Variants in GIGYF2 observed in about 807,000 individuals in gnomAD.
GIGYF2 encodes GRB10-interacting GYF protein 2.
Under a neutral mutation model 208.1 loss-of-function variants are expected in GIGYF2, and 25 were observed. The ratio of observed to expected loss-of-function variants is 0.12; its 90% CI spans 0.09 to 0.17. GIGYF2 has a LOEUF of 0.17. GIGYF2 is among the 10% of genes least tolerant of loss of function. The pLI, the probability that GIGYF2 is intolerant of heterozygous loss-of-function variation, is 1.00. For synonymous variants in GIGYF2, 534 were observed against 543.8 expected, an observed-to-expected ratio of 0.98 and a Z score of 0.25; for missense variants, 1,302 against 1,579.4, an observed-to-expected ratio of 0.82 and a Z score of 2.98.
At chr2:232,818,779 C>T (rs1211504573) in intron 20 of GIGYF2, among the ~76,000 whole-genome samples, 1 of 152,056 alleles carries the variant, frequency 6.6e-6, no homozygotes, top group African/African-American at 2.4e-5. Flanking sequence ...TCTACATCAT[C>T]ATATTTGCTA....
Position 232,844,174 on chromosome 2 carries a change from G to A in GIGYF2, c.3018G>A (p.Gln1006=). 6.4e-7 allele frequency: 1 copy of A among 1,563,300 alleles called. No individual in the cohort carries two copies. The highest frequency in any genetic ancestry group is 8.7e-7 in the Non-Finnish European group (1 of 1,152,320). ...CCACGAAATCTCTTCTGGAGATCCA[G>A]CAGGAAGAGGCCAGGCAAATGCAAA... ...SGTTKSLLEI[Q]QEEARQMQKQ... The change falls in exon 24 of 29, where the codon CAG becomes CAA. Residue 1006 remains glutamine (Q), a synonymous_variant. Transcript: ENST00000373563.
intron 3 of GIGYF2, among the ~76,000 whole-genome samples, chr2:232,745,240 T>C (rs1349191312): frequency 6.6e-6 from 1 of 152,118 alleles, no homozygotes. Context: ...AGAGTAGCAG[T>C]GAGCAGTCCC....
chr2:232,741,446 T>C (rs996769518), intron 3 of GIGYF2, among the ~76,000 whole-genome samples: 20 of 151,606 alleles, frequency 1.3e-4, no homozygotes, highest in African/African-American at 4.1e-4. Context: ...TTTTTTTTTT[T>C]CTTTTTTTTT....
chr2:232,817,122 G>A (rs1265144322), intron 20 of GIGYF2, 90 bp downstream of exon 20: 14 of 997,504 alleles, frequency 1.4e-5, no homozygotes, highest in Non-Finnish European at 2.1e-5. Context: ...TACTCCTGAA[G>A]TCCACAGGAT....
intron 2 of GIGYF2, among the ~76,000 whole-genome samples, chr2:232,734,766 G>T (rs1697662640): frequency 6.6e-6 from 1 of 152,162 alleles, no homozygotes; most frequent in South Asian, 2.1e-4. Context: ...GGTGATAGGG[G>T]AGTCATTACT....
intron 20 of GIGYF2, among the ~76,000 whole-genome samples, chr2:232,818,778 T>A (rs1299077121): frequency 1.3e-5 from 2 of 152,114 alleles, no homozygotes; most frequent in Admixed American, 1.3e-4. Flanking sequence ...ATCTACATCA[T>A]CATATTTGCT....
At chr2:232,819,747 C>T in intron 20 of GIGYF2, 80 bp from the exon 21 acceptor site, 3 of 827,840 alleles carry the variant, frequency 3.6e-6, no homozygotes, top group East Asian at 2.4e-5. Flanking sequence ...TAGCCTATTA[C>T]TTTCCAAATA....
chr2:232,711,254 CT>C (rs34701447), intron 2 of GIGYF2, among the ~76,000 whole-genome samples: 69,702 of 124,700 alleles, frequency 0.56, 18,445 homozygotes, highest in South Asian at 0.77. Flanking sequence ...CCTGGCTAAT[CT>C]TTTTTTTTTT....
chr2:232,737,886 A>G (rs547984703), intron 3 of GIGYF2, among the ~76,000 whole-genome samples: 2 of 150,812 alleles, frequency 1.3e-5, no homozygotes, highest in East Asian at 3.9e-4. Context: ...GGAACAGACC[A>G]TGAGTGGCTG....
At position 232,791,052 on chromosome 2, in the gene GIGYF2, C is replaced by A. The variant is rs143419997; in HGVS notation, c.975C>A (p.Phe325Leu). 1 of 1,613,918 alleles carries A rather than the reference C, an allele frequency of 6.2e-7. No homozygotes were observed. Among genetic ancestry groups the A allele is most frequent in the African/African-American group, 1.3e-5 (1 of 74,878 alleles). ...TTCCAGAAGAGCAGGAGATGGACTT[C>A]CGGCCTGTGGACGAAGGGGAGGAGT... ...EPIPEEQEMD[F>L]RPVDEGEECS... The change falls in exon 11 of 29, where the codon TTC (phenylalanine) becomes TTA (leucine). Residue 325 changes from phenylalanine to leucine, a missense_variant. Coordinates refer to ENST00000373563, the MANE Select transcript of GIGYF2 (RefSeq NM_001103146.3).
chr2:232,791,088 T>C lies in GIGYF2; in HGVS notation c.1011T>C (p.Ser337=), dbSNP rs752407234. The C allele has an allele frequency of 9.3e-6, 15 of 1,613,860 alleles. No individual in the cohort carries two copies. Among genetic ancestry groups the C allele is most frequent in the African/African-American group, 2.7e-5 (2 of 74,886 alleles). The part of the protein sequence containing the change: ...PVDEGEECSD[S]EGSHNEEAKE... ...ACGAAGGGGAGGAGTGCTCTGACTC[T>C]GAGGGTAGCCATAATGAAGAGGCCA... Residue 337 remains serine (S), a synonymous_variant, in exon 11 of 29, where the codon TCT becomes TCC. Transcript: ENST00000373563.
chr2:232,785,340 T>C (rs1699876567), intron 8 of GIGYF2, among the ~76,000 whole-genome samples: 1 of 152,082 alleles, frequency 6.6e-6, no homozygotes, highest in African/African-American at 2.4e-5. Flanking sequence ...CCAGGGTTCT[T>C]GTAAGGCTGC....
chr2:232,835,635 T>G (rs2106411971), intron 22 of GIGYF2, among the ~76,000 whole-genome samples: 1 of 152,244 alleles, frequency 6.6e-6, no homozygotes, highest in Non-Finnish European at 1.5e-5. Flanking sequence ...TGTTTGTTTA[T>G]TTGTTTTGTG....
At chr2:232,700,050 A>G (rs1695777169) in intron 1 of GIGYF2, among the ~76,000 whole-genome samples, 1 of 152,130 alleles carries the variant, frequency 6.6e-6, no homozygotes, top group South Asian at 2.1e-4. Context: ...ATTTTAGTTC[A>G]GCTGAGGAAT....
At chr2:232,809,996 ATTT>A (rs1379777300) in intron 16 of GIGYF2, among the ~76,000 whole-genome samples, 185 bp downstream of exon 16, 2 of 151,886 alleles carry the variant, frequency 1.3e-5, no homozygotes, top group African/African-American at 4.8e-5. Context: ...TTATTTATTT[ATTT>A]ATTTTTGAGA....
At chr2:232,818,635 T>C (rs1700984477) in intron 20 of GIGYF2, among the ~76,000 whole-genome samples, 1 of 152,142 alleles carries the variant, frequency 6.6e-6, no homozygotes, top group African/African-American at 2.4e-5. Flanking sequence ...TGGTTTCTTT[T>C]TTTTTATTTT....
chr2:232,749,003 T>C lies in GIGYF2; in HGVS notation c.188T>C (p.Leu63Pro). 6.3e-7 allele frequency: 1 copy of C among 1,581,054 alleles called. No homozygotes were observed. Among genetic ancestry groups the C allele is most frequent in the Non-Finnish European group, 8.7e-7 (1 of 1,149,778 alleles). The change falls in exon 5 of 29, where the codon CTG (leucine) becomes CCG (proline). Residue 63 changes from leucine (L) to proline (P), a missense_variant. This residue lies in a region of GIGYF2 where 189 missense variants were observed against 257.7 expected (regional missense o/e 0.73). Transcript: ENST00000373563. The stretch of plus-strand genomic sequence containing the variant: ...GTCCTACAGATACCTTCAGACCTTC[T>C]GGATAAAGAATTTCTGCCTATCCTC... ...LKDNKIPSDL[L>P]DKEFLPILQE...
intron 14 of GIGYF2, among the ~76,000 whole-genome samples, chr2:232,799,243 T>G (rs2106372646): frequency 6.6e-6 from 1 of 152,112 alleles, no homozygotes. Context: ...TTATAGTTAT[T>G]GTGAATAATG....
In GIGYF2 at chr2:232,791,401, C is replaced by G. The variant is rs141380400; in HGVS notation, c.1237C>G (p.Arg413Gly). The change falls in exon 12 of 29, where the codon CGG (arginine) becomes GGG (glycine). Residue 413 changes from arginine (R) to glycine (G), a missense_variant. By Grantham distance (125) the Arg-to-Gly change is moderately radical. This residue lies in a region of GIGYF2 where 235 missense variants were observed against 218.8 expected (regional missense o/e 1.07). Transcript: ENST00000373563. ...EQTEKAEEETRMENSLPAKVP... is the reference protein window; with the variant it reads ...EQTEKAEEETGMENSLPAKVP... ...AACGGAAAAAGCTGAAGAGGAGACTCGGATGGAAAATAGTCTACCAGCCAA... is the reference window on the plus strand; with the variant it reads ...AACGGAAAAAGCTGAAGAGGAGACTGGGATGGAAAATAGTCTACCAGCCAA... The G allele has an allele frequency of 6.2e-7, 1 of 1,613,938 alleles. No individual in the cohort carries two copies. The highest frequency in any genetic ancestry group is 8.5e-7 in the Non-Finnish European group (1 of 1,179,954).
Sources: gnomAD v4.1 joint callset for allele counts (sites outside exome capture counted in the v4.1 genomes callset) on GRCh38, gnomAD v4.1.1 for gene constraint, gnomAD v4.1.1 regional missense constraint, MANE v1.5 for transcripts, NCBI Gene and HGNC (gene_info 2026-07-23, HGNC 2026-07-21) for gene names.